The following YIF1B variants were observed in gnomAD, a reference collection of about 807,000 sequenced individuals.
YIF1B encodes the protein Yip1 interacting factor homolog B, membrane trafficking protein.
A neutral mutation model predicts 34.6 loss-of-function variants in YIF1B; 24 were observed. The observed-to-expected ratio is 0.69, with a 90% CI of 0.50 to 0.98. YIF1B has a LOEUF of 0.98. Ranked by LOEUF, YIF1B falls within the 50% of genes least tolerant of loss-of-function variation. The probability of loss-of-function intolerance (pLI) is 0.00; values close to 1 mark genes in which losing one functional copy is unlikely to be tolerated. For synonymous variants in YIF1B, 186 were observed against 184.8 expected (o/e 1.01, Z -0.05); for missense variants, 368 against 429.4 (o/e 0.86, Z 1.26).
chr19:38,316,062 C>T (rs2278436), upstream of YIF1B: 5 of 1,224,328 alleles, frequency 4.1e-6, no homozygotes, highest in South Asian at 2.2e-5. Context: ...CAGCCCCCCC[C>T]TTCACGGAGG....
chr19:38,303,921 C>G lies in YIF1B; in HGVS notation c.*1431G>C, dbSNP rs981232443. Among the ~76,000 whole-genome samples the G allele has an allele frequency of 1.3e-5, 2 of 152,224 alleles. No homozygotes were observed. The highest frequency in any genetic ancestry group is 1.5e-5 in the Non-Finnish European group (1 of 68,046). The stretch of plus-strand genomic sequence containing the variant: ...CGGAGGAAGCTGTATTGTCGCGGTA[C>G]GCAGGAAGGCAGGGGCAGCACCTCC... On this transcript the variant is annotated 3_prime_UTR_variant, in exon 8 of 8. Transcript: ENST00000339413.
chr19:38,314,629 T>C (rs1456897945), intron 1 of YIF1B, among the ~76,000 whole-genome samples: 4 of 143,248 alleles, frequency 2.8e-5, no homozygotes, highest in Non-Finnish European at 6.1e-5. Context: ...TTTTTTTTTT[T>C]TTTTTTTTTT....
At chr19:38,310,183 T>TCCAC (rs1219838247) in intron 1 of YIF1B, among the ~76,000 whole-genome samples, 2 of 132,338 alleles carry the variant, frequency 1.5e-5, no homozygotes, top group East Asian at 5.3e-4. Context: ...CATTCATCCA[T>TCCAC]CCACCCATCC....
intron 1 of YIF1B, among the ~76,000 whole-genome samples, chr19:38,314,563 A>C (rs1177282030): frequency 6.8e-6 from 1 of 146,112 alleles, no homozygotes; most frequent in African/African-American, 2.6e-5. Flanking sequence ...GGGCACCGTG[A>C]CTCATGCCTG....
chr19:38,318,074 T>C (rs1374818981), upstream of YIF1B, among the ~76,000 whole-genome samples: 1 of 150,000 alleles, frequency 6.7e-6, no homozygotes, highest in African/African-American at 2.4e-5. Flanking sequence ...GCATCTATAA[T>C]TCCAGCTACT....
At chr19:38,306,252 G>T (rs1177013250) in intron 7 of YIF1B, among the ~76,000 whole-genome samples, 1 of 135,136 alleles carries the variant, frequency 7.4e-6, no homozygotes, top group African/African-American at 2.7e-5. Flanking sequence ...CACCCTGTCC[G>T]CCAGGCTTGA....
chr19:38,316,042 C>T, upstream of YIF1B: 2 of 1,304,290 alleles, frequency 1.5e-6, no homozygotes, highest in South Asian at 2.0e-5. Context: ...CCCCACCCCC[C>T]CGACCCCTCC....
chr19:38,309,543 C>A lies in YIF1B; in HGVS notation c.159G>T (p.Gln53His). Residue 53 changes from glutamine (Q) to histidine (H), a missense_variant, in exon 2 of 8, where the codon CAG becomes CAT. This residue lies in a region of YIF1B where 153 missense variants were observed against 156.7 expected (regional missense o/e 0.98). Coordinates refer to ENST00000339413, the MANE Select transcript of YIF1B (RefSeq NM_001039672.3). ...SSAQSRGYGAQRAPGGLSYPA... is the reference protein window; with the variant it reads ...SSAQSRGYGAHRAPGGLSYPA... The stretch of plus-strand genomic sequence containing the variant: ...GATAACTCAGGCCACCAGGTGCCCG[C>A]TGGGCCCCATAGCCCCGGCTCTGGG... The A allele has an allele frequency of 6.2e-7, 1 of 1,604,814 alleles. No homozygotes were observed. The highest frequency in any genetic ancestry group is 2.2e-5 in the East Asian group (1 of 44,558).
At position 38,305,056 on chromosome 19, in the gene YIF1B, C is replaced by A. The variant is rs187336108; in HGVS notation, c.*296G>T. The stretch of plus-strand genomic sequence containing the variant: ...CTCTGGCCCGTCCCCAGCTCCCTGC[C>A]CCCTGCCCAGCGCTGGGCCCGCCCA... On this transcript the variant is annotated 3_prime_UTR_variant, in exon 8 of 8. Transcript: ENST00000339413. The A allele has an allele frequency of 5.4e-4, 835 of 1,534,460 alleles. 7 individuals carry two copies. In the East Asian group the frequency reaches 0.019, roughly 35 times the overall value.
At chr19:38,315,388 A>C in intron 1 of YIF1B, 1 of 1,169,814 alleles carries the variant, frequency 8.5e-7, no homozygotes, top group Non-Finnish European at 1.1e-6. Flanking sequence ...GAGACAAGTT[A>C]GGTTGAATGA....
chr19:38,321,117 ACCT>A (rs1463023894), upstream of YIF1B, among the ~76,000 whole-genome samples: 1 of 151,872 alleles, frequency 6.6e-6, no homozygotes, highest in Non-Finnish European at 1.5e-5. Context: ...CCCCATCTCA[ACCT>A]CCTCCTGACC....
intron 7 of YIF1B, 88 bp downstream of exon 7, chr19:38,307,340 A>C: frequency 7.0e-7 from 1 of 1,434,018 alleles, no homozygotes; most frequent in Non-Finnish European, 9.7e-7. Flanking sequence ...CTCTGGTCTG[A>C]ACCCCACACC....
chr19:38,307,690 A>G lies in YIF1B; in HGVS notation c.602T>C (p.Val201Ala), dbSNP rs1175633999. Reference protein sequence around the residue: ...SSALAWLTLEVLAILLSLYLV... With the variant: ...SSALAWLTLEALAILLSLYLV... ...ATAGAGGCTGAGCAGGATGGCCAGC[A>G]CCTCCAGGGTCAGCCAGGCCAGGGC... The change falls in exon 6 of 8, where the codon GTG (valine) becomes GCG (alanine). Residue 201 changes from valine to alanine, a missense_variant. Physicochemically the swap from Val to Ala is moderately conservative, Grantham distance 64 (BLOSUM62 0). Transcript: ENST00000339413. The G allele has an allele frequency of 7.4e-6, 12 of 1,613,122 alleles. No homozygotes were observed. The highest frequency in any genetic ancestry group is 2.7e-5 in the African/African-American group (2 of 74,822).
upstream of YIF1B, chr19:38,320,124 C>T (rs754333263): frequency 4.4e-6 from 7 of 1,585,698 alleles, no homozygotes; most frequent in Admixed American, 6.9e-5. Context: ...CTGCCCCCGC[C>T]CTGGACGCCT....
At chr19:38,307,570 G>A (rs1007733575) in intron 6 of YIF1B, 27 bp downstream of exon 6, 5 of 1,613,762 alleles carry the variant, frequency 3.1e-6, no homozygotes, top group Non-Finnish European at 4.2e-6. Context: ...AAGGGCTGGG[G>A]CTGGCGTGAA....
In YIF1B at chr19:38,304,194, T is replaced by TC. The variant is rs749681108; in HGVS notation, c.*1157dup. Reference sequence around the variant, plus strand: ...TCCAACGGGCAGGTCTCAGCGCTCCTCCCCCTGCTCCGCTCCTCTGCAGGG... The same window carrying TC: ...TCCAACGGGCAGGTCTCAGCGCTCCTCCCCCCTGCTCCGCTCCTCTGCAGGG... On this transcript the variant is annotated 3_prime_UTR_variant, in exon 8 of 8. Transcript: ENST00000339413. 4.4e-4 allele frequency: 693 copies of TC among 1,586,830 alleles called. 7 individuals carry two copies. The highest frequency in any genetic ancestry group is 7.5e-5 in the Non-Finnish European group (87 of 1,160,152).
upstream of YIF1B, among the ~76,000 whole-genome samples, chr19:38,319,370 C>A (rs1459333071): frequency 2.6e-5 from 4 of 152,158 alleles, no homozygotes; most frequent in Admixed American, 6.5e-5. Context: ...GGGCATTGAA[C>A]AAAGCTTTGG....
At chr19:38,309,147 C>A in intron 3 of YIF1B, 77 bp downstream of exon 3, 1 of 1,578,636 alleles carries the variant, frequency 6.3e-7, no homozygotes, top group Non-Finnish European at 8.6e-7. Context: ...AATCTCCCGG[C>A]TCCACCATGC....
At chr19:38,315,201 C>T (rs572463954) in intron 1 of YIF1B, among the ~76,000 whole-genome samples, 8 of 150,368 alleles carry the variant, frequency 5.3e-5, no homozygotes, top group Non-Finnish European at 1.0e-4. Flanking sequence ...CCTGAGATCG[C>T]GCCATTGCAC....
Sources: gnomAD v4.1 joint callset for allele counts (sites outside exome capture counted in the v4.1 genomes callset) on GRCh38, gnomAD v4.1.1 for gene constraint, gnomAD v4.1.1 regional missense constraint, MANE v1.5 for transcripts, NCBI Gene and HGNC (gene_info 2026-07-23, HGNC 2026-07-21) for gene names.